The following PRRG4 variants were observed in gnomAD, a reference collection of about 807,000 sequenced individuals.
PRRG4 encodes the protein proline rich and Gla domain 4, also known as transmembrane gamma-carboxyglutamic acid protein 4.
A neutral mutation model predicts 20.0 loss-of-function variants in PRRG4; 12 were observed. The ratio of observed to expected loss-of-function variants is 0.60; its 90% CI spans 0.38 to 0.97. The LOEUF (loss-of-function observed/expected upper bound fraction) is 0.97. Among genes scored for constraint, PRRG4 ranks in the 50% least tolerant of loss-of-function variants. The pLI, the probability that PRRG4 is intolerant of heterozygous loss-of-function variation, is 0.00. For synonymous variants in PRRG4, 94 were observed against 96.4 expected, an observed-to-expected ratio of 0.98 and a Z score of 0.15; for missense variants, 199 against 265.1, an observed-to-expected ratio of 0.75 and a Z score of 1.73.
chr11:32,839,670 GAAT>G (rs1851057161), intron 4 of PRRG4, among the ~76,000 whole-genome samples: 1 of 141,634 alleles, frequency 7.1e-6, no homozygotes, highest in Non-Finnish European at 1.5e-5. Flanking sequence ...ATTATATTTT[GAAT>G]ATTATTAAAA....
chr11:32,837,081 G>T (rs1209619556), intron 3 of PRRG4, among the ~76,000 whole-genome samples: 2 of 151,944 alleles, frequency 1.3e-5, no homozygotes, highest in Non-Finnish European at 2.9e-5. Context: ...GTAATCATGG[G>T]GCAGAGTGAA....
At chr11:32,838,620 A>T (rs965524882) in intron 3 of PRRG4, among the ~76,000 whole-genome samples, 9 of 152,070 alleles carry the variant, frequency 5.9e-5, no homozygotes, top group Non-Finnish European at 1.2e-4. Context: ...TGGGGGCTCC[A>T]GTCAGGTGAA....
At chr11:32,832,998 C>T (rs1004393125) in intron 2 of PRRG4, among the ~76,000 whole-genome samples, 5 of 152,158 alleles carry the variant, frequency 3.3e-5, no homozygotes, top group Non-Finnish European at 5.9e-5. Context: ...ATTGCATCCT[C>T]CAGCCATGGT....
At chr11:32,846,567 G>C (rs189157505) in intron 5 of PRRG4, among the ~76,000 whole-genome samples, 5 of 149,448 alleles carry the variant, frequency 3.3e-5, no homozygotes, top group Admixed American at 1.3e-4. Context: ...GTTTTCTTAA[G>C]TAATGTGTAC....
intron 2 of PRRG4, among the ~76,000 whole-genome samples, chr11:32,831,198 T>C (rs1000068152): frequency 2.0e-5 from 3 of 152,196 alleles, no homozygotes; most frequent in Non-Finnish European, 4.4e-5. Flanking sequence ...AAGTCCACAG[T>C]TTTTAGGTTT....
chr11:32,836,334 A>G (rs749541695), intron 2 of PRRG4, among the ~76,000 whole-genome samples: 2 of 152,144 alleles, frequency 1.3e-5, no homozygotes, highest in Non-Finnish European at 2.9e-5. Flanking sequence ...TAGGGAACCA[A>G]TTCTTTAGAA....
At chr11:32,850,091 ATTC>A (rs1356969070) in intron 5 of PRRG4, among the ~76,000 whole-genome samples, 2 of 152,240 alleles carry the variant, frequency 1.3e-5, no homozygotes, top group Non-Finnish European at 2.9e-5. Context: ...GTCTTTAGAC[ATTC>A]TTCTTTTCTT....
In PRRG4 at chr11:32,853,454, C is replaced by T; in HGVS notation, c.608C>T (p.Pro203Leu). Residue 203 changes from proline to leucine, a missense_variant, in exon 6 of 6, where the codon CCA becomes CTA. By Grantham distance (98) the Pro-to-Leu change is moderately conservative. Transcript: ENST00000257836. ...CTGACCAGAAAACACAGTGTTTCAC[C>T]ACCACCACCATATCCTGGGCACACA... is the stretch of plus-strand genomic sequence containing the variant. ...VALTRKHSVSPPPPYPGHTKG... is the reference protein window; with the variant it reads ...VALTRKHSVSLPPPYPGHTKG... The T allele has an allele frequency of 6.2e-7, 1 of 1,614,116 alleles. No individual in the cohort carries two copies. The highest frequency in any genetic ancestry group is 8.5e-7 in the Non-Finnish European group (1 of 1,180,010).
At chr11:32,841,535 A>C (rs1229370536) in intron 5 of PRRG4, among the ~76,000 whole-genome samples, 2 of 152,196 alleles carry the variant, frequency 1.3e-5, no homozygotes, top group Non-Finnish European at 2.9e-5. Flanking sequence ...ATGGTGGCTC[A>C]CACCTATAAT....
Position 32,836,833 on chromosome 11 carries a change from G to A in PRRG4, c.267+12G>A. On this transcript the variant is annotated intron_variant, in intron 3 of 5. Transcript: ENST00000257836. The stretch of plus-strand genomic sequence containing the variant: ...ATGAAGATAAAACGGTAATGTGGTT[G>A]ATTATGTTAATTGGCTGGAAATGTT... 5 of 1,603,480 alleles carry A rather than the reference G, an allele frequency of 3.1e-6. No individual in the cohort carries two copies. The highest frequency in any genetic ancestry group is 2.7e-5 in the African/African-American group (2 of 74,496).
Position 32,830,493 on chromosome 11 carries a change from T to TG in PRRG4, c.-22-15_-22-14insG, listed in dbSNP as rs71034622. On this transcript the variant is annotated splice_polypyrimidine_tract_variant and intron_variant, in intron 1 of 5. Transcript: ENST00000257836. ...GGGGCCTTTTTTTTTTAATATTTTT[T>TG]TTTGTTTGTTTTAGTTTGTTTGACA... 168,622 of 1,456,092 alleles carry TG rather than the reference T, an allele frequency of 0.12. 10,884 individuals carry two copies. The highest frequency in any genetic ancestry group is 0.12 in the Non-Finnish European group (136,771 of 1,100,764). 90.2% of individuals were successfully genotyped at this position (1,456,092 alleles called of 1,614,324 possible).
rs1472755767 is a variant in PRRG4 at position 32,854,948 on chromosome 11, CT to C, written c.*1422del. On this transcript the variant is annotated 3_prime_UTR_variant, in exon 6 of 6. Transcript: ENST00000257836. The stretch of plus-strand genomic sequence containing the variant: ...ACACTAGAACTTAATGAAGTTGCCC[CT>C]GTTACTGATTAGTAAATACTCCCAT... 6.6e-6 allele frequency: 1 copy of C among 152,098 alleles called. No individual in the cohort carries two copies. The highest frequency in any genetic ancestry group is 1.5e-5 in the Non-Finnish European group (1 of 68,010). 9.4% of individuals were successfully genotyped at this position (152,098 alleles called of 1,614,324 possible).
At chr11:32,832,067 T>C (rs1850977242) in intron 2 of PRRG4, among the ~76,000 whole-genome samples, 1 of 151,602 alleles carries the variant, frequency 6.6e-6, no homozygotes, top group South Asian at 2.1e-4. Context: ...ATGGAAGGAA[T>C]TTAGAGATCA....
intron 2 of PRRG4, among the ~76,000 whole-genome samples, chr11:32,835,793 A>G (rs889070811): frequency 1.3e-5 from 2 of 152,170 alleles, no homozygotes; most frequent in East Asian, 3.8e-4. Context: ...ATTTTAATAT[A>G]AAAGTATTAA....
chr11:32,830,482 T>G, intron 1 of PRRG4, 26 bp from the exon 2 acceptor site: 1 of 1,441,060 alleles, frequency 6.9e-7, no homozygotes, highest in Admixed American at 2.6e-5. Context: ...CCTTTTTTTT[T>G]TAATATTTTT....
At chr11:32,835,414 T>C (rs1188260058) in intron 2 of PRRG4, among the ~76,000 whole-genome samples, 1 of 152,220 alleles carries the variant, frequency 6.6e-6, no homozygotes, top group East Asian at 1.9e-4. Flanking sequence ...CTTTTAAGCA[T>C]TGTGATGTAG....
chr11:32,844,081 G>A (rs909007901), intron 5 of PRRG4, among the ~76,000 whole-genome samples: 5 of 152,142 alleles, frequency 3.3e-5, no homozygotes, highest in Non-Finnish European at 5.9e-5. Flanking sequence ...GACCACCAAG[G>A]TGTATTCTCC....
intron 2 of PRRG4, among the ~76,000 whole-genome samples, chr11:32,834,974 G>A (rs570915295): frequency 1.3e-5 from 2 of 152,010 alleles, no homozygotes; most frequent in Admixed American, 6.6e-5. Flanking sequence ...CCACCACACC[G>A]GGCTAATTTT....
In PRRG4 at chr11:32,830,580, G is replaced by A. The variant is rs768620195; in HGVS notation, c.51G>A (p.Gly17=). The change falls in exon 2 of 6, where the codon GGG becomes GGA. Residue 17 remains glycine, a synonymous_variant. Coordinates refer to ENST00000257836, the MANE Select transcript of PRRG4 (RefSeq NM_024081.6). ...GCCAACTGCCCACAGTTACCCTGGG[G>A]TTTCCTCATTGCGCAAGAGGTCCAA... The part of the protein sequence containing the change: ...LLSQLPTVTL[G]FPHCARGPKA... 4 of 1,612,152 alleles carry A rather than the reference G, an allele frequency of 2.5e-6. No homozygotes were observed. Among genetic ancestry groups the A allele is most frequent in the Middle Eastern group, 1.6e-4 (1 of 6,080 alleles).
Sources: gnomAD v4.1 joint callset for allele counts (sites outside exome capture counted in the v4.1 genomes callset) on GRCh38, gnomAD v4.1.1 for gene constraint, MANE v1.5 for transcripts, NCBI Gene and HGNC (gene_info 2026-07-23, HGNC 2026-07-21) for gene names.